Variants in ST13 observed in about 807,000 individuals in gnomAD.
The protein encoded by ST13 is ST13 Hsp70 interacting protein.
A neutral mutation model predicts 56.7 loss-of-function variants in ST13; 23 were observed. The ratio of observed to expected loss-of-function variants is 0.41; its 90% CI spans 0.29 to 0.57. The LOEUF is 0.57. Ranked by LOEUF, ST13 falls within the 20% of genes least tolerant of loss-of-function variation. The pLI, the probability that ST13 is intolerant of heterozygous loss-of-function variation, is 0.36. For synonymous variants in ST13, 132 were observed against 142.4 expected (o/e 0.93, Z 0.52); for missense variants, 369 against 459.9 (o/e 0.80, Z 1.81).
chr22:40,832,223 T>C, intron 8 of ST13: 1 of 474,880 alleles, frequency 2.1e-6, no homozygotes, highest in Non-Finnish European at 4.4e-6. Flanking sequence ...ACACCTATGA[T>C]AAATAAGGAC....
Position 40,840,995 on chromosome 22 carries a change from T to C in ST13, c.316-303A>G, listed in dbSNP as rs77416649. The stretch of plus-strand genomic sequence containing the variant: ...CTATCCATAAATATTAAACCCAATC[T>C]CCTCACAAAAAGATAACTAGCTCCT... On this transcript the variant is annotated intron_variant, in intron 4 of 11. Transcript: ENST00000216218. Among the ~76,000 whole-genome samples the C allele has an allele frequency of 1.3e-3, 193 of 151,986 alleles. 1 individual carries two copies. The highest frequency in any genetic ancestry group is 4.5e-3 in the African/African-American group (186 of 41,450).
At chr22:40,843,237 G>C (rs1379873320) in intron 4 of ST13, among the ~76,000 whole-genome samples, 1 of 152,188 alleles carries the variant, frequency 6.6e-6, no homozygotes, top group Non-Finnish European at 1.5e-5. Context: ...CAATGGTGAG[G>C]AGATATATCT....
At chr22:40,826,766 ATAGT>A (rs2057730466) in intron 11 of ST13, 100 bp from the exon 12 acceptor site, 8 of 1,401,054 alleles carry the variant, frequency 5.7e-6, no homozygotes, top group Non-Finnish European at 6.8e-6. Context: ...TAATTTGGTG[ATAGT>A]TAAGTTAAAT....
In ST13 at chr22:40,846,423, G is replaced by C. The variant is rs559173550; in HGVS notation, c.245-1514C>G. Among the ~76,000 whole-genome samples the C allele has an allele frequency of 1.2e-4, 18 of 152,142 alleles. No homozygotes were observed. The South Asian group carries it at 3.5e-3, about 30-fold the overall frequency. ...AGTCATGCTGTATACTGGATCTCTG[G>C]AATTTATTCAGATTATAGCTCAAAG... On this transcript the variant is annotated intron_variant, in intron 3 of 11. Coordinates refer to ENST00000216218, the MANE Select transcript of ST13 (RefSeq NM_003932.5).
chr22:40,854,172 A>G (rs1396647291), intron 1 of ST13, among the ~76,000 whole-genome samples: 1 of 152,244 alleles, frequency 6.6e-6, no homozygotes, highest in African/African-American at 2.4e-5. Flanking sequence ...CATCAGGCCT[A>G]GGAAGACGTC....
chr22:40,825,838 C>T lies in ST13; in HGVS notation c.*700G>A, dbSNP rs918643752. Reference sequence around the variant, plus strand: ...AACACTTATTAGATATACTGGACAACAAGAGAACTAAGTACTCCAACTCTA... The same window carrying T: ...AACACTTATTAGATATACTGGACAATAAGAGAACTAAGTACTCCAACTCTA... On this transcript the variant is annotated 3_prime_UTR_variant, in exon 12 of 12. Transcript: ENST00000216218. 1 of 152,502 alleles carries T rather than the reference C, an allele frequency of 6.6e-6. No individual in the cohort carries two copies. Among genetic ancestry groups the T allele is most frequent in the African/African-American group, 2.4e-5 (1 of 41,404 alleles). The allele number at this position is 152,502 out of a possible 1,614,324, so 9.4% of individuals were successfully genotyped here.
intron 4 of ST13, 44 bp from the exon 5 acceptor site, chr22:40,840,736 G>A (rs2057800340): frequency 6.5e-7 from 1 of 1,535,094 alleles, no homozygotes; most frequent in Non-Finnish European, 8.9e-7. Flanking sequence ...TAGAGAGAGA[G>A]AGAAGGAAGC....
At chr22:40,856,161 G>A (rs1401039664) in intron 1 of ST13, among the ~76,000 whole-genome samples, 1 of 152,116 alleles carries the variant, frequency 6.6e-6, no homozygotes, top group African/African-American at 2.4e-5. Context: ...CAGTGTCCAC[G>A]CATCCGCAGT....
chr22:40,825,120 A>C lies in ST13; in HGVS notation c.*1418T>G, dbSNP rs1426393580. 6.6e-6 allele frequency: 1 copy of C among 152,148 alleles called. No individual in the cohort carries two copies. The highest frequency in any genetic ancestry group is 2.4e-5 in the African/African-American group (1 of 41,436). The allele number at this position is 152,148 out of a possible 1,614,324, so 9.4% of individuals were successfully genotyped here. A position where few individuals can be genotyped will look rare whatever the true frequency, so the allele number is the denominator to read the frequency against. On this transcript the variant is annotated 3_prime_UTR_variant, in exon 12 of 12. Coordinates refer to ENST00000216218, the MANE Select transcript of ST13 (RefSeq NM_003932.5). ...CCTATACTTAGTCTTATTTAAAATA[A>C]GAATTGAATGCACAACAGAAAATTT...
intron 3 of ST13, among the ~76,000 whole-genome samples, chr22:40,845,809 A>T (rs1324965173): frequency 6.6e-6 from 1 of 152,146 alleles, no homozygotes; most frequent in African/African-American, 2.4e-5. Flanking sequence ...CTTAGTCAAA[A>T]AAAAAAAATT....
At chr22:40,832,417 G>T (rs1188358149) in intron 8 of ST13, 152 bp downstream of exon 8, 1 of 622,782 alleles carries the variant, frequency 1.6e-6, no homozygotes, top group East Asian at 2.9e-5. Flanking sequence ...GAGATCTCCA[G>T]AGTCGAGCAC....
At chr22:40,854,740 T>C (rs2145754327) in intron 1 of ST13, 1 of 152,330 alleles carries the variant, frequency 6.6e-6, no homozygotes, top group East Asian at 1.9e-4. Context: ...TTGTCTACGT[T>C]ACCTGGAATT....
In ST13 at chr22:40,825,042, C is replaced by A. The variant is rs972385518; in HGVS notation, c.*1496G>T. On this transcript the variant is annotated 3_prime_UTR_variant, in exon 12 of 12. Transcript: ENST00000216218. ...TATCCCTTGAAAATGTTTTTAAACA[C>A]TAGCACTTTAAATTGAAACACTGGT... The A allele has an allele frequency of 2.0e-5, 3 of 152,152 alleles. No homozygotes were observed. Among genetic ancestry groups the A allele is most frequent in the African/African-American group, 7.2e-5 (3 of 41,440 alleles). The allele number at this position is 152,152 out of a possible 1,614,324, so 9.4% of individuals were successfully genotyped here.
In ST13 at chr22:40,842,379, A is replaced by G. The variant is rs115598336; in HGVS notation, c.316-1687T>C. Among the ~76,000 whole-genome samples, 863 of 152,384 alleles carry G rather than the reference A, an allele frequency of 5.7e-3. 11 individuals carry two copies. The highest frequency in any genetic ancestry group is 0.02 in the African/African-American group (828 of 41,596). On this transcript the variant is annotated intron_variant, in intron 4 of 11. Coordinates refer to ENST00000216218, the MANE Select transcript of ST13 (RefSeq NM_003932.5). ...TGAAAAATAAGAGTAAGACCAGCGA[A>G]GAGTTCAACAAGGAATTTAATGTGT...
chr22:40,827,483 TTTTG>T (rs1320871455), intron 10 of ST13, among the ~76,000 whole-genome samples: 1 of 152,106 alleles, frequency 6.6e-6, no homozygotes, highest in Non-Finnish European at 1.5e-5. Context: ...TGTTTTTTAT[TTTTG>T]TTTGTTTTGA....
At chr22:40,828,437 T>C (rs2057738835) in intron 10 of ST13, among the ~76,000 whole-genome samples, 1 of 125,800 alleles carries the variant, frequency 7.9e-6, no homozygotes, top group African/African-American at 3.4e-5. Context: ...ACCCCGTCTC[T>C]ACTAAAAATA....
In ST13 at chr22:40,856,468, T is replaced by G. The variant is rs754312002; in HGVS notation, c.73A>C (p.Thr25Pro). 1 of 1,613,572 alleles carries G rather than the reference T, an allele frequency of 6.2e-7. No homozygotes were observed. The highest frequency in any genetic ancestry group is 8.5e-7 in the Non-Finnish European group (1 of 1,179,714). The part of the protein sequence containing the change: ...MCKQDPSVLH[T>P]EEMRFLREWV... Reference sequence around the variant, plus strand: ...TCCCTCAGGAAGCGCATTTCCTCGGTGTGCAGAACGCTCGGATCCTGCTTA... The same window carrying G: ...TCCCTCAGGAAGCGCATTTCCTCGGGGTGCAGAACGCTCGGATCCTGCTTA... The change falls in exon 1 of 12, where the codon ACC becomes CCC. Residue 25 changes from threonine (T) to proline (P), a missense_variant. By Grantham distance (38) the Thr-to-Pro change is conservative (BLOSUM62 -1). Transcript: ENST00000216218.
chr22:40,830,613 A>G (rs2057749394), intron 9 of ST13, among the ~76,000 whole-genome samples: 1 of 152,214 alleles, frequency 6.6e-6, no homozygotes, highest in South Asian at 2.1e-4. Context: ...ATAAAAACAC[A>G]AACAAGAATA....
At chr22:40,848,103 A>C (rs1386283645) in intron 3 of ST13, among the ~76,000 whole-genome samples, 191 bp downstream of exon 3, 3 of 152,176 alleles carry the variant, frequency 2.0e-5, no homozygotes, top group Non-Finnish European at 4.4e-5. Flanking sequence ...TATTTCAACC[A>C]ATATGCCATT....
Sources: gnomAD v4.1 joint callset for allele counts (sites outside exome capture counted in the v4.1 genomes callset) on GRCh38, gnomAD v4.1.1 for gene constraint, MANE v1.5 for transcripts, NCBI Gene and HGNC (gene_info 2026-07-23, HGNC 2026-07-21) for gene names.